RIC1: variants seen among roughly 807,000 people sequenced by gnomAD.
The protein encoded by RIC1 is guanine nucleotide exchange factor subunit RIC1.
A neutral mutation model predicts 169.0 loss-of-function variants in RIC1; 88 were observed. The ratio of observed to expected loss-of-function variants is 0.52; its 90% CI spans 0.44 to 0.62. The LOEUF (loss-of-function observed/expected upper bound fraction) is 0.62, where lower values mean the gene tolerates loss of function less well. Among genes scored for constraint, RIC1 ranks in the 20% least tolerant of loss-of-function variants. The pLI, the probability that RIC1 is intolerant of heterozygous loss-of-function variation, is 0.00. For missense variants in RIC1, 1,877 were observed against 1,725.5 expected, an observed-to-expected ratio of 1.09 and a Z score of -1.56; for synonymous variants, 790 against 601.5, an observed-to-expected ratio of 1.31 and a Z score of -4.59.
intron 6 of RIC1, among the ~76,000 whole-genome samples, chr9:5,728,986 C>T (rs988137952): frequency 2.0e-5 from 3 of 152,082 alleles, no homozygotes; most frequent in Non-Finnish European, 4.4e-5. Context: ...GTCCTCCTAC[C>T]TTTAGAGCCA....
At chr9:5,629,802 C>T (rs1817629672) in intron 1 of RIC1, among the ~76,000 whole-genome samples, 1 of 152,250 alleles carries the variant, frequency 6.6e-6, no homozygotes. Flanking sequence ...TTTGTTTAAA[C>T]TTTCCACAAT....
intron 9 of RIC1, among the ~76,000 whole-genome samples, chr9:5,743,291 T>C (rs911020039): frequency 3.9e-5 from 6 of 152,142 alleles, no homozygotes; most frequent in Non-Finnish European, 8.8e-5. Context: ...GTTCTGCTTT[T>C]AGGTAGTTTA....
intron 2 of RIC1, among the ~76,000 whole-genome samples, chr9:5,671,614 AAAAG>A: frequency 6.6e-6 from 1 of 152,352 alleles, no homozygotes; most frequent in Non-Finnish European, 1.5e-5. Context: ...ATGAAAATAA[AAAAG>A]AACCTGTTTT....
chr9:5,642,941 T>C (rs1818322107), intron 1 of RIC1, among the ~76,000 whole-genome samples: 1 of 152,180 alleles, frequency 6.6e-6, no homozygotes. Context: ...TTTATACTTT[T>C]ACCATAAATG....
intron 4 of RIC1, among the ~76,000 whole-genome samples, chr9:5,716,648 G>C (rs1006320643): frequency 1.3e-5 from 2 of 152,114 alleles, no homozygotes; most frequent in African/African-American, 4.8e-5. Flanking sequence ...AGCATGAAAA[G>C]ACATGGGTTA....
In RIC1 at chr9:5,774,090, C is replaced by A; in HGVS notation, c.4116C>A (p.Pro1372=). The change falls in exon 26 of 26, where the codon CCC becomes CCA. Residue 1372 remains proline (P), a synonymous_variant. Transcript: ENST00000414202. ...GTAAGACTCCAGAACAGACTAGCCCCCGGGCAGAGGAGAGCAGGGGCTCCT... is the reference window on the plus strand; with the variant it reads ...GTAAGACTCCAGAACAGACTAGCCCACGGGCAGAGGAGAGCAGGGGCTCCT... ...TMGKTPEQTS[P]RAEESRGSSS... The A allele has an allele frequency of 6.2e-7, 1 of 1,614,044 alleles. No individual in the cohort carries two copies. Among genetic ancestry groups the A allele is most frequent in the Non-Finnish European group, 8.5e-7 (1 of 1,179,982 alleles).
intron 23 of RIC1, among the ~76,000 whole-genome samples, chr9:5,771,438 C>T (rs1271355686): frequency 6.6e-6 from 1 of 152,084 alleles, no homozygotes; most frequent in Admixed American, 6.6e-5. Flanking sequence ...ATGATGGACA[C>T]TTGGGTTGCT....
At chr9:5,688,397 T>C (rs1022798529) in intron 2 of RIC1, among the ~76,000 whole-genome samples, 2 of 152,218 alleles carry the variant, frequency 1.3e-5, no homozygotes, top group Non-Finnish European at 2.9e-5. Context: ...CCTTCATTGC[T>C]TGATGCCAGT....
intron 8 of RIC1, among the ~76,000 whole-genome samples, chr9:5,739,311 T>TG (rs1824922514): frequency 6.6e-6 from 1 of 152,150 alleles, no homozygotes. Context: ...TATTAGAACC[T>TG]TTTTTAACTC....
At chr9:5,740,123 A>T (rs1344846963) in intron 8 of RIC1, among the ~76,000 whole-genome samples, 3 of 152,152 alleles carry the variant, frequency 2.0e-5, no homozygotes. Flanking sequence ...GGAGCAACCA[A>T]CTAGCTTCAT....
chr9:5,678,296 C>T (rs577728617), intron 2 of RIC1, among the ~76,000 whole-genome samples: 16 of 152,218 alleles, frequency 1.1e-4, no homozygotes, highest in Admixed American at 2.6e-4. Flanking sequence ...TGAATAGTGC[C>T]GCAGTAAACA....
chr9:5,631,286 G>T (rs1817702136), intron 1 of RIC1, among the ~76,000 whole-genome samples: 2 of 152,038 alleles, frequency 1.3e-5, no homozygotes, highest in Non-Finnish European at 2.9e-5. Flanking sequence ...GAAGTCCAGG[G>T]ACCCCTACTA....
At chr9:5,706,062 G>T (rs561922491) in intron 3 of RIC1, among the ~76,000 whole-genome samples, 2 of 151,986 alleles carry the variant, frequency 1.3e-5, no homozygotes, top group Non-Finnish European at 1.5e-5. Flanking sequence ...TTTTGTTCAG[G>T]ATTTTTTTTA....
At chr9:5,680,097 A>G (rs568572411) in intron 2 of RIC1, among the ~76,000 whole-genome samples, 11 of 152,300 alleles carry the variant, frequency 7.2e-5, no homozygotes, top group Admixed American at 1.3e-4. Context: ...TATTGAGATA[A>G]TCATGTGGTT....
intron 3 of RIC1, chr9:5,713,255 A>T (rs1407391232): frequency 1.3e-5 from 2 of 152,210 alleles, no homozygotes; most frequent in Non-Finnish European, 2.9e-5. Context: ...GGAGATAAAG[A>T]ATACAAAACA....
intron 5 of RIC1, 143 bp from the exon 6 acceptor site, chr9:5,720,471 T>A: frequency 8.8e-7 from 1 of 1,130,900 alleles, no homozygotes; most frequent in Non-Finnish European, 1.3e-6. Flanking sequence ...GAGAGGCATT[T>A]AATAGGAAAG....
At chr9:5,664,069 G>C (rs1819612505) in intron 2 of RIC1, among the ~76,000 whole-genome samples, 1 of 152,046 alleles carries the variant, frequency 6.6e-6, no homozygotes, top group Admixed American at 6.6e-5. Context: ...ATAAAGCTTA[G>C]TTTCGCCAGA....
chr9:5,764,833 G>C (rs1463155971), intron 19 of RIC1, among the ~76,000 whole-genome samples: 1 of 152,190 alleles, frequency 6.6e-6, no homozygotes, highest in African/African-American at 2.4e-5. Context: ...TTCCTAAGTT[G>C]CTATGGATTG....
intron 25 of RIC1, among the ~76,000 whole-genome samples, chr9:5,773,470 C>T (rs757711650): frequency 4.6e-5 from 7 of 152,144 alleles, no homozygotes; most frequent in Non-Finnish European, 8.8e-5. Flanking sequence ...ATTTAACATT[C>T]CATGGCAGTT....
Sources: gnomAD v4.1 joint callset for allele counts (sites outside exome capture counted in the v4.1 genomes callset) on GRCh38, gnomAD v4.1.1 for gene constraint, MANE v1.5 for transcripts, NCBI Gene and HGNC (gene_info 2026-07-23, HGNC 2026-07-21) for gene names.